The following RUNX1 variants were observed in gnomAD, a reference collection of about 807,000 sequenced individuals.
RUNX1 encodes the protein runt-related transcription factor 1.
A neutral mutation model predicts 42.8 loss-of-function variants in RUNX1; 19 were observed. That is an observed-to-expected ratio of 0.44 (90% CI 0.31 to 0.65). The LOEUF (loss-of-function observed/expected upper bound fraction) is 0.65. RUNX1 is among the 30% of genes least tolerant of loss of function. RUNX1 has a pLI of 0.07. For missense variants in RUNX1, 528 were observed against 672.0 expected (o/e 0.79, Z 2.37); for synonymous variants, 271 against 289.4 (o/e 0.94, Z 0.64).
At position 34,792,595 on chromosome 21, in the gene RUNX1, G is replaced by T; in HGVS notation, c.983C>A (p.Thr328Lys). Residue 328 changes from threonine to lysine, a missense_variant, in exon 9 of 9, where the codon ACA becomes AAA. Coordinates refer to ENST00000675419, the MANE Select transcript of RUNX1 (RefSeq NM_001754.5). The surrounding 1 kb of genome is among the most constrained non-coding windows in gnomAD (Gnocchi z 6.9). ...SSRLSTAPDL[T>K]AFSDPRQFPA... The stretch of plus-strand genomic sequence containing the variant: ...GAACTGGCGCGGGTCGCTGAACGCT[G>T]TCAGGTCGGGTGCCGCTGCAGGGCG... 1 of 1,593,930 alleles carries T rather than the reference G, an allele frequency of 6.3e-7. No individual in the cohort carries two copies.
chr21:35,019,473 C>G (rs563604657), intron 2 of RUNX1, among the ~76,000 whole-genome samples: 2 of 152,288 alleles, frequency 1.3e-5, no homozygotes, highest in South Asian at 2.1e-4. Flanking sequence ...TGTAAGAGGC[C>G]TGGCATAATA....
intron 2 of RUNX1, among the ~76,000 whole-genome samples, chr21:35,002,410 A>G (rs1373204558): frequency 6.8e-6 from 1 of 146,164 alleles, no homozygotes; most frequent in South Asian, 2.1e-4. Flanking sequence ...TTATTTATTT[A>G]TTTATTTATT....
chr21:34,992,519 C>G (rs8134862), intron 2 of RUNX1, among the ~76,000 whole-genome samples: 26,609 of 151,926 alleles, frequency 0.18, 2,657 homozygotes, highest in African/African-American at 0.26. Flanking sequence ...GTCCCAGTCT[C>G]TGTCTCCATG....
At chr21:35,030,662 G>C (rs1365017892) in intron 2 of RUNX1, among the ~76,000 whole-genome samples, 1 of 152,064 alleles carries the variant, frequency 6.6e-6, no homozygotes, top group African/African-American at 2.4e-5. Context: ...CATTGGTCTG[G>C]GCAAAGATTT....
intron 2 of RUNX1, among the ~76,000 whole-genome samples, chr21:35,034,093 C>T (rs1302961978): frequency 6.6e-6 from 1 of 152,176 alleles, no homozygotes; most frequent in Non-Finnish European, 1.5e-5. Context: ...TCGTCAGGCA[C>T]CCAGACTTCA....
intron 2 of RUNX1, among the ~76,000 whole-genome samples, chr21:34,938,058 T>C (rs2058499679): frequency 6.6e-6 from 1 of 152,216 alleles, no homozygotes; most frequent in South Asian, 2.1e-4. Context: ...GTGACATGTA[T>C]GGGTTCTGCA....
chr21:34,887,774 T>C, intron 3 of RUNX1: 1 of 1,062,378 alleles, frequency 9.4e-7, no homozygotes, highest in Non-Finnish European at 1.1e-6. Context: ...ACAACAGAAA[T>C]CCATTAATGT....
chr21:34,863,100 C>T (rs1353980004), intron 5 of RUNX1, among the ~76,000 whole-genome samples: 1 of 152,126 alleles, frequency 6.6e-6, no homozygotes, highest in Admixed American at 6.5e-5. Flanking sequence ...TTTTATTGTT[C>T]TTGATGAATA....
rs2056446564 is a variant in RUNX1, at chr21:34,792,139, T to G, written c.1439A>C (p.Tyr480Ser). The G allele has an allele frequency of 6.8e-7, 1 of 1,473,622 alleles. No homozygotes were observed. The highest frequency in any genetic ancestry group is 8.9e-7 in the Non-Finnish European group (1 of 1,121,232). The allele number at this position is 1,473,622 out of a possible 1,614,324, so 91.3% of individuals were successfully genotyped here. A position where few individuals can be genotyped will look rare whatever the true frequency, so the allele number is the denominator to read the frequency against. ...ARLEEAVWRPY is the reference protein window; with the variant it reads ...ARLEEAVWRPS ...AGCCGGGCCAGGCCTGGCGCCTCAGTAGGGCCTCCACACGGCCTCCTCCAG... is the reference window on the plus strand; with the variant it reads ...AGCCGGGCCAGGCCTGGCGCCTCAGGAGGGCCTCCACACGGCCTCCTCCAG... The change falls in exon 9 of 9, where the codon TAC (tyrosine) becomes TCC (serine). Residue 480 changes from tyrosine to serine, a missense_variant. Coordinates refer to ENST00000675419, the MANE Select transcript of RUNX1 (RefSeq NM_001754.5). The surrounding 1 kb of genome is among the most constrained non-coding windows in gnomAD (Gnocchi z 6.9).
intron 2 of RUNX1, among the ~76,000 whole-genome samples, chr21:35,044,875 G>T (rs762563243): frequency 1.3e-5 from 2 of 152,232 alleles, no homozygotes; most frequent in Non-Finnish European, 2.9e-5. Flanking sequence ...GCTCAGAAAG[G>T]CTTCTTGCCA....
intron 3 of RUNX1, chr21:34,887,990 A>G: frequency 9.4e-7 from 1 of 1,066,168 alleles, no homozygotes; most frequent in Non-Finnish European, 1.1e-6. Flanking sequence ...AGGGTTCTAC[A>G]GCTCTCCCAC....
chr21:34,809,687 C>G (rs574836031), intron 7 of RUNX1, among the ~76,000 whole-genome samples: 1 of 151,982 alleles, frequency 6.6e-6, no homozygotes, highest in Non-Finnish European at 1.5e-5. Flanking sequence ...GATGAGGGGC[C>G]GGTGGGATTT....
rs550455087 is a variant in RUNX1 at position 34,919,466 on chromosome 21, G to A, written c.59-26503C>T. Among the ~76,000 whole-genome samples the A allele has an allele frequency of 5.9e-5, 9 of 152,152 alleles. No individual in the cohort carries two copies. In the South Asian group the frequency reaches 1.0e-3, roughly 18 times the overall value. On this transcript the variant is annotated intron_variant, in intron 2 of 8. Coordinates refer to ENST00000675419, the MANE Select transcript of RUNX1 (RefSeq NM_001754.5). ...TACTGACTTACTACATAACTATATC[G>A]ATTTTGCATGGAAGCTCCTGCTCTC...
At chr21:34,892,217 G>T (rs1324334941) in intron 3 of RUNX1, among the ~76,000 whole-genome samples, 1 of 152,110 alleles carries the variant, frequency 6.6e-6, no homozygotes, top group Non-Finnish European at 1.5e-5. Context: ...GATGTCACAG[G>T]GATGGAAAAC....
chr21:34,811,950 A>G (rs954422212), intron 7 of RUNX1, among the ~76,000 whole-genome samples: 1 of 152,126 alleles, frequency 6.6e-6, no homozygotes, highest in Non-Finnish European at 1.5e-5. Context: ...AATAGCCTCC[A>G]AGAAACAGCC....
intron 2 of RUNX1, among the ~76,000 whole-genome samples, chr21:35,047,181 C>T (rs2059402000): frequency 6.6e-6 from 1 of 152,106 alleles, no homozygotes; most frequent in African/African-American, 2.4e-5. Flanking sequence ...AAACAATACA[C>T]GTTCTGAGGG....
chr21:34,936,379 C>G (rs963219324), intron 2 of RUNX1, among the ~76,000 whole-genome samples: 1 of 152,130 alleles, frequency 6.6e-6, no homozygotes, highest in Non-Finnish European at 1.5e-5. Flanking sequence ...ACATAATTAA[C>G]TGTTTAAAGA....
chr21:34,851,257 T>G (rs1357711600), intron 6 of RUNX1, among the ~76,000 whole-genome samples: 2 of 152,230 alleles, frequency 1.3e-5, no homozygotes, highest in Admixed American at 1.3e-4. Context: ...GCATGTGGAT[T>G]TGCCTGATGT....
At position 34,907,252 on chromosome 21, in the gene RUNX1, T is replaced by C. The variant is rs979487462; in HGVS notation, c.59-14289A>G. On this transcript the variant is annotated intron_variant, in intron 2 of 8. Coordinates refer to ENST00000675419, the MANE Select transcript of RUNX1 (RefSeq NM_001754.5). The surrounding 1 kb of genome is among the most constrained non-coding windows in gnomAD (Gnocchi z 5.3). Reference sequence around the variant, plus strand: ...GGTAAGGGGCACAGAGAAGGAGATATAGACTTCTAATTTAGCAAAAAGAAG... The same window carrying C: ...GGTAAGGGGCACAGAGAAGGAGATACAGACTTCTAATTTAGCAAAAAGAAG... Among the ~76,000 whole-genome samples the C allele has an allele frequency of 3.9e-5, 6 of 152,152 alleles. No individual in the cohort carries two copies. The highest frequency in any genetic ancestry group is 1.4e-4 in the African/African-American group (6 of 41,422).
Sources: gnomAD v4.1 joint callset for allele counts (sites outside exome capture counted in the v4.1 genomes callset) on GRCh38, gnomAD v4.1.1 for gene constraint, Gnocchi (gnomAD v3.1) non-coding constraint, MANE v1.5 for transcripts, NCBI Gene and HGNC (gene_info 2026-07-23, HGNC 2026-07-21) for gene names.